Variants in ASAH2B observed in about 807,000 individuals in gnomAD.
ASAH2B encodes N-acylsphingosine amidohydrolase 2B, also known as putative inactive neutral ceramidase B.
A neutral mutation model predicts 2.9 loss-of-function variants in ASAH2B; 1 was observed. The observed-to-expected ratio is 0.34, with a 90% CI of 0.12 to 1.63. ASAH2B has a LOEUF of 1.63. Among genes scored for constraint, ASAH2B ranks in the 40% most tolerant of loss-of-function variants. The pLI is 0.36. For synonymous variants in ASAH2B, 4 were observed against 13.3 expected (o/e 0.30, Z 1.52); for missense variants, 9 against 37.7 (o/e 0.24, Z 1.99).
intron 5 of ASAH2B, among the ~76,000 whole-genome samples, chr10:50,754,166 C>CATATAT (rs1164698561): frequency 6.9e-6 from 1 of 145,516 alleles, no homozygotes; most frequent in African/African-American, 2.5e-5. Flanking sequence ...TACACACACA[C>CATATAT]ATATATATAT....
chr10:50,742,959 A>G lies in ASAH2B; in HGVS notation c.-55A>G. On this transcript the variant is annotated 5_prime_UTR_variant, in exon 2 of 6. Transcript: ENST00000647317. ...CATCGACAATTTATGGACCGCACGC[A>G]TTATCTGCTTACATTCAGCTCTTCA... The G allele has an allele frequency of 6.2e-7, 1 of 1,614,094 alleles. No individual in the cohort carries two copies. Among genetic ancestry groups the G allele is most frequent in the South Asian group, 1.1e-5 (1 of 91,086 alleles).
intron 1 of ASAH2B, 85 bp from the exon 2 acceptor site, chr10:50,742,830 C>T (rs1687296561): frequency 9.1e-6 from 12 of 1,323,168 alleles, no homozygotes; most frequent in Non-Finnish European, 1.2e-5. Context: ...AGATGTCAAG[C>T]ATCACACTTA....
At chr10:50,744,572 G>T (rs1839880229) in intron 2 of ASAH2B, 1 of 151,720 alleles carries the variant, frequency 6.6e-6, no homozygotes, top group Admixed American at 6.6e-5. Flanking sequence ...ATTGAGATTT[G>T]TATTTTTATG....
chr10:50,742,884 C>A (rs1839851214), intron 1 of ASAH2B, 31 bp from the exon 2 acceptor site: 1 of 1,607,498 alleles, frequency 6.2e-7, no homozygotes, highest in African/African-American at 1.3e-5. Context: ...ATATGCAGAA[C>A]CATATACAAC....
intron 1 of ASAH2B, among the ~76,000 whole-genome samples, chr10:50,742,095 AC>A (rs1839839254): frequency 6.6e-6 from 1 of 152,148 alleles, no homozygotes; most frequent in South Asian, 2.1e-4. Flanking sequence ...TATATAACAA[AC>A]CTGCACATGT....
Position 50,755,899 on chromosome 10 carries a change from TATC to T in ASAH2B, c.*1163_*1165del, listed in dbSNP as rs1242624841. On this transcript the variant is annotated 3_prime_UTR_variant, in exon 6 of 6. Coordinates refer to ENST00000647317, the MANE Select transcript of ASAH2B (RefSeq NM_001321958.2). Reference sequence around the variant, plus strand: ...AGTAATCTTCAAGTTATATCTTGTGTATCATCTGTGTTGGATACTCTAATTTGG... The same window carrying T: ...AGTAATCTTCAAGTTATATCTTGTGTATCTGTGTTGGATACTCTAATTTGG... The T allele has an allele frequency of 6.6e-6, 1 of 151,580 alleles. No individual in the cohort carries two copies. Among genetic ancestry groups the T allele is most frequent in the East Asian group, 1.9e-4 (1 of 5,146 alleles). 9.4% of individuals were successfully genotyped at this position (151,580 alleles called of 1,614,324 possible).
chr10:50,751,550 C>A (rs1839978753), intron 4 of ASAH2B, among the ~76,000 whole-genome samples: 1 of 151,102 alleles, frequency 6.6e-6, no homozygotes, highest in African/African-American at 2.4e-5. Context: ...ACTCTCTTTA[C>A]AGGTTCCTAT....
At chr10:50,742,889 T>G (rs112930164) in intron 1 of ASAH2B, 26 bp from the exon 2 acceptor site, 62 of 1,612,606 alleles carry the variant, frequency 3.8e-5, no homozygotes, top group South Asian at 3.2e-4. Context: ...CAGAACCATA[T>G]ACAACTCTCC....
chr10:50,745,901 C>T (rs1313089346), intron 3 of ASAH2B, among the ~76,000 whole-genome samples: 6 of 150,928 alleles, frequency 4.0e-5, no homozygotes, highest in Middle Eastern at 3.4e-3. Flanking sequence ...TTATTGTGTA[C>T]AAGATGATGT....
intron 2 of ASAH2B, among the ~76,000 whole-genome samples, chr10:50,743,950 C>T (rs1328453528): frequency 1.3e-5 from 1 of 74,078 alleles, no homozygotes; most frequent in Non-Finnish European, 4.0e-5. Flanking sequence ...ATTTCATATG[C>T]CTGTATTATT....
chr10:50,748,353 C>G (rs1408808440), intron 3 of ASAH2B, among the ~76,000 whole-genome samples: 1 of 144,504 alleles, frequency 6.9e-6, no homozygotes, highest in African/African-American at 2.5e-5. Flanking sequence ...TTACCTATTA[C>G]TAAATTTTTT....
intron 3 of ASAH2B, among the ~76,000 whole-genome samples, chr10:50,746,233 A>G (rs1259130202): frequency 6.6e-6 from 1 of 151,456 alleles, no homozygotes; most frequent in Non-Finnish European, 1.5e-5. Context: ...GGTTCTATAT[A>G]TAAGTGAGAT....
In ASAH2B at chr10:50,757,547, TA is replaced by T. The variant is rs1176005251; in HGVS notation, c.*2808del. 6.8e-6 allele frequency: 1 copy of T among 147,226 alleles called. No individual in the cohort carries two copies. The highest frequency in any genetic ancestry group is 1.5e-5 in the Non-Finnish European group (1 of 65,990). 9.1% of individuals were successfully genotyped at this position (147,226 alleles called of 1,614,324 possible). A position where few individuals can be genotyped will look rare whatever the true frequency, so the allele number is the denominator to read the frequency against. On this transcript the variant is annotated 3_prime_UTR_variant, in exon 6 of 6. Coordinates refer to ENST00000647317, the MANE Select transcript of ASAH2B (RefSeq NM_001321958.2). ...AATGTCCTTTTCTAATGTGCCCTCT[TA>T]TGCTTCTCCTCCAATGTAAGCAAGC... is the stretch of plus-strand genomic sequence containing the variant.
Position 50,743,035 on chromosome 10 carries a change from C to T in ASAH2B, c.-4+25C>T, listed in dbSNP as rs200222392. On this transcript the variant is annotated intron_variant, in intron 2 of 5. Transcript: ENST00000647317. ...GGTAATCAAATATTGTTTGTGCGTGCGTGCGTGCGTGTGTGTGTGTGTGTA... is the reference window on the plus strand; with the variant it reads ...GGTAATCAAATATTGTTTGTGCGTGTGTGCGTGCGTGTGTGTGTGTGTGTA... 7.8e-4 allele frequency: 1,245 copies of T among 1,604,794 alleles called. 17 individuals carry two copies. Among genetic ancestry groups the T allele is most frequent in the Middle Eastern group, 1.3e-3 (8 of 6,044 alleles).
At chr10:50,747,827 A>G (rs188678762) in intron 3 of ASAH2B, among the ~76,000 whole-genome samples, 2 of 151,858 alleles carry the variant, frequency 1.3e-5, no homozygotes, top group Non-Finnish European at 2.9e-5. Context: ...ACTCATGTCC[A>G]TGAGGGATAT....
rs1231263296 is a variant in ASAH2B at position 50,754,978 on chromosome 10, A to G, written c.*238A>G. The G allele has an allele frequency of 1.1e-4, 52 of 478,178 alleles. No individual in the cohort carries two copies. In the East Asian group the frequency reaches 1.6e-3, roughly 15 times the overall value. 29.6% of individuals were successfully genotyped at this position (478,178 alleles called of 1,614,324 possible). On this transcript the variant is annotated 3_prime_UTR_variant, in exon 6 of 6. Coordinates refer to ENST00000647317, the MANE Select transcript of ASAH2B (RefSeq NM_001321958.2). ...AGAGAGAGAGAGGTTTGTCCCATAT[A>G]TCTTGTTCCAGCAGCCATATATCTT...
intron 3 of ASAH2B, among the ~76,000 whole-genome samples, chr10:50,748,075 A>T (rs185653899): frequency 6.6e-6 from 1 of 150,438 alleles, no homozygotes; most frequent in African/African-American, 2.4e-5. Context: ...ATGCCCATTC[A>T]TATGTCCTAT....
rs1381707817 is a variant in ASAH2B, at chr10:50,756,609, T to C, written c.*1869T>C. ...CCTCAAATCTACTTGTGATTCCTGATAGCTCACTGGCAACTGTACCAAGGT... is the reference window on the plus strand; with the variant it reads ...CCTCAAATCTACTTGTGATTCCTGACAGCTCACTGGCAACTGTACCAAGGT... On this transcript the variant is annotated 3_prime_UTR_variant, in exon 6 of 6. Transcript: ENST00000647317. 1 of 151,984 alleles carries C rather than the reference T, an allele frequency of 6.6e-6. No individual in the cohort carries two copies. Among genetic ancestry groups the C allele is most frequent in the Non-Finnish European group, 1.5e-5 (1 of 67,896 alleles). The allele number at this position is 151,984 out of a possible 1,614,324, so 9.4% of individuals were successfully genotyped here.
At chr10:50,743,967 T>C (rs56384625) in intron 2 of ASAH2B, among the ~76,000 whole-genome samples, 59,818 of 149,090 alleles carry the variant, frequency 0.4, 14,379 homozygotes, top group Admixed American at 0.57. Context: ...TATTACTGAT[T>C]GTGTGTTTGA....
Sources: allele counts gnomAD v4.1 joint callset (sites outside exome capture counted in the v4.1 genomes callset), GRCh38; gene constraint gnomAD v4.1.1; transcripts MANE v1.5; gene names NCBI Gene and HGNC (gene_info 2026-07-23, HGNC 2026-07-21).